NLGN1: variants seen among roughly 807,000 people sequenced by gnomAD.
NLGN1 encodes the protein neuroligin-1.
Under a neutral mutation model 65.5 loss-of-function variants are expected in NLGN1, and 12 were observed. That is an observed-to-expected ratio of 0.18 (90% CI 0.12 to 0.30). NLGN1 has a LOEUF of 0.30. Ranked by LOEUF, NLGN1 falls within the 10% of genes least tolerant of loss-of-function variation. The pLI, the probability that NLGN1 is intolerant of heterozygous loss-of-function variation, is 1.00. For missense variants in NLGN1, 750 were observed against 1,007.1 expected, an observed-to-expected ratio of 0.74 and a Z score of 3.46; for synonymous variants, 350 against 359.5, an observed-to-expected ratio of 0.97 and a Z score of 0.30.
chr3:173,757,900 CAG>C (rs1035348306), intron 3 of NLGN1, among the ~76,000 whole-genome samples: 4 of 151,962 alleles, frequency 2.6e-5, no homozygotes, highest in African/African-American at 9.7e-5. Context: ...CATGATATAA[CAG>C]TGCCCAAATT....
intron 4 of NLGN1, among the ~76,000 whole-genome samples, chr3:173,912,872 A>T (rs997947264): frequency 2.0e-4 from 31 of 152,208 alleles, no homozygotes; most frequent in African/African-American, 6.8e-4. Flanking sequence ...GTATGATTAC[A>T]AGTGATTACT....
At chr3:173,745,759 A>G (rs1332490182) in intron 3 of NLGN1, among the ~76,000 whole-genome samples, 2 of 152,136 alleles carry the variant, frequency 1.3e-5, no homozygotes, top group Non-Finnish European at 2.9e-5. Flanking sequence ...CCAGTTACCT[A>G]GTTCCAGGGA....
intron 4 of NLGN1, among the ~76,000 whole-genome samples, chr3:173,825,877 C>T (rs928244809): frequency 6.6e-6 from 1 of 151,816 alleles, no homozygotes; most frequent in Non-Finnish European, 1.5e-5. Context: ...TTAAATAAGT[C>T]TTGTGGTAGA....
intron 2 of NLGN1, among the ~76,000 whole-genome samples, chr3:173,452,996 A>T (rs143683655): frequency 6.6e-6 from 1 of 152,270 alleles, no homozygotes; most frequent in African/African-American, 2.4e-5. Flanking sequence ...AGTGAGTCTT[A>T]ATCTTTTTGC....
intron 3 of NLGN1, among the ~76,000 whole-genome samples, chr3:173,699,447 A>G (rs983820500): frequency 1.3e-5 from 2 of 152,156 alleles, no homozygotes; most frequent in Non-Finnish European, 2.9e-5. Flanking sequence ...TTCTTATTCA[A>G]ATGTGTCATG....
At chr3:174,105,192 A>T (rs1713442998) in intron 4 of NLGN1, among the ~76,000 whole-genome samples, 1 of 152,068 alleles carries the variant, frequency 6.6e-6, no homozygotes, top group Non-Finnish European at 1.5e-5. Flanking sequence ...TTATGACTGG[A>T]TATGAAAGTT....
At chr3:173,755,918 A>T (rs983319461) in intron 3 of NLGN1, among the ~76,000 whole-genome samples, 1 of 152,086 alleles carries the variant, frequency 6.6e-6, no homozygotes, top group African/African-American at 2.4e-5. Context: ...ATAACTAATG[A>T]TGTTATATAT....
At chr3:173,895,525 C>T (rs1023324900) in intron 4 of NLGN1, among the ~76,000 whole-genome samples, 2 of 152,144 alleles carry the variant, frequency 1.3e-5, no homozygotes, top group East Asian at 3.9e-4. Flanking sequence ...AATGGAGACA[C>T]TCGACTTCCC....
chr3:173,765,599 T>C (rs1271509917), intron 3 of NLGN1, among the ~76,000 whole-genome samples: 1 of 152,194 alleles, frequency 6.6e-6, no homozygotes, highest in East Asian at 1.9e-4. Flanking sequence ...CAGAATGTTA[T>C]ACACTCTCTT....
chr3:173,667,239 G>GCACA (rs3032837), intron 3 of NLGN1, among the ~76,000 whole-genome samples: 26,797 of 147,314 alleles, frequency 0.18, 2,688 homozygotes, highest in East Asian at 0.42. Context: ...ACACGCATAT[G>GCACA]CACACACACA....
chr3:173,626,269 G>C (rs979871421), intron 3 of NLGN1, among the ~76,000 whole-genome samples: 4 of 152,020 alleles, frequency 2.6e-5, no homozygotes, highest in Non-Finnish European at 4.4e-5. Flanking sequence ...AGCTGGAAAT[G>C]AATATTAGTA....
At chr3:173,513,785 G>A (rs1340675712) in intron 2 of NLGN1, among the ~76,000 whole-genome samples, 4 of 152,060 alleles carry the variant, frequency 2.6e-5, no homozygotes, top group Non-Finnish European at 4.4e-5. Flanking sequence ...CAGCACTTTG[G>A]GAGGCCGAGG....
intron 4 of NLGN1, among the ~76,000 whole-genome samples, chr3:174,143,939 T>A (rs1457701004): frequency 1.3e-5 from 2 of 152,166 alleles, no homozygotes; most frequent in Non-Finnish European, 2.9e-5. Context: ...TATTATACTT[T>A]AAGCTCTGGG....
At chr3:174,221,819 C>T (rs570165456) in intron 4 of NLGN1, among the ~76,000 whole-genome samples, 2 of 152,040 alleles carry the variant, frequency 1.3e-5, no homozygotes, top group South Asian at 2.1e-4. Flanking sequence ...CTCTGCTGTT[C>T]CTTGATATGT....
chr3:173,414,685 C>T (rs1713322344), intron 1 of NLGN1, among the ~76,000 whole-genome samples: 1 of 151,826 alleles, frequency 6.6e-6, no homozygotes, highest in Admixed American at 6.6e-5. Context: ...TAGTAAAACC[C>T]TTGAAAAGAA....
intron 2 of NLGN1, among the ~76,000 whole-genome samples, chr3:173,592,178 A>G (rs1424556285): frequency 6.6e-6 from 1 of 152,194 alleles, no homozygotes; most frequent in Non-Finnish European, 1.5e-5. Context: ...AGATTTAACA[A>G]TTAATATTTG....
chr3:173,548,937 A>G (rs1050153434), intron 2 of NLGN1, among the ~76,000 whole-genome samples: 1 of 152,000 alleles, frequency 6.6e-6, no homozygotes, highest in African/African-American at 2.4e-5. Context: ...CATTAGATCT[A>G]TTTCATGCAT....
At chr3:173,686,958 C>CA (rs756629898) in intron 3 of NLGN1, among the ~76,000 whole-genome samples, 4,775 of 133,152 alleles carry the variant, frequency 0.036, 92 homozygotes, top group Middle Eastern at 0.054. Context: ...GTCCCAAAGA[C>CA]AAAAAAAAAA....
rs567716036 is a variant in NLGN1, at chr3:173,968,993, G to A, written c.646+161161G>A. The stretch of plus-strand genomic sequence containing the variant: ...TGAGATTACAGAGATGAGCCACTGC[G>A]CCCAGCCTAAAAACCATCTTTAACA... On this transcript the variant is annotated intron_variant, in intron 4 of 6. Coordinates refer to ENST00000457714, the Ensembl canonical transcript of NLGN1. Among the ~76,000 whole-genome samples the A allele has an allele frequency of 5.9e-5, 9 of 151,590 alleles. No homozygotes were observed. The South Asian group carries it at 8.3e-4, about 14-fold the overall frequency.
Sources: allele counts gnomAD v4.1 joint callset (sites outside exome capture counted in the v4.1 genomes callset), GRCh38; gene constraint gnomAD v4.1.1; transcripts MANE v1.5; gene names NCBI Gene and HGNC (gene_info 2026-07-23, HGNC 2026-07-21).